DYNC1I1: variants seen among roughly 807,000 people sequenced by gnomAD.
DYNC1I1 encodes the protein cytoplasmic dynein 1 intermediate chain 1.
Under a neutral mutation model 86.6 loss-of-function variants are expected in DYNC1I1, and 43 were observed. The observed-to-expected ratio is 0.50, with a 90% CI of 0.39 to 0.64. The LOEUF is 0.64. DYNC1I1 is among the 30% of genes least tolerant of loss of function. The pLI, the probability that DYNC1I1 is intolerant of heterozygous loss-of-function variation, is 0.00. For missense variants in DYNC1I1, 604 were observed against 788.8 expected, an observed-to-expected ratio of 0.77 and a Z score of 2.81; for synonymous variants, 262 against 283.7, an observed-to-expected ratio of 0.92 and a Z score of 0.77.
At chr7:96,035,328 A>C (rs916320138) in intron 12 of DYNC1I1, among the ~76,000 whole-genome samples, 2 of 152,348 alleles carry the variant, frequency 1.3e-5, no homozygotes, top group East Asian at 3.9e-4. Context: ...GACAAGTGTA[A>C]CCATTATTAT....
At chr7:95,995,702 A>G (rs1461878702) in intron 9 of DYNC1I1, among the ~76,000 whole-genome samples, 1 of 152,206 alleles carries the variant, frequency 6.6e-6, no homozygotes, top group Non-Finnish European at 1.5e-5. Flanking sequence ...GTGTCAAATA[A>G]TACGGAGAGG....
intron 6 of DYNC1I1, among the ~76,000 whole-genome samples, chr7:95,974,986 G>A (rs1239430637): frequency 6.6e-6 from 1 of 152,128 alleles, no homozygotes; most frequent in Non-Finnish European, 1.5e-5. Flanking sequence ...TTGCATAGTG[G>A]TTAAAGATCA....
At chr7:95,998,457 A>G (rs1793926114) in intron 10 of DYNC1I1, among the ~76,000 whole-genome samples, 1 of 152,246 alleles carries the variant, frequency 6.6e-6, no homozygotes, top group African/African-American at 2.4e-5. Context: ...CAGAATTAAA[A>G]TGTATATGTG....
At chr7:95,904,116 C>T (rs1295914071) in intron 6 of DYNC1I1, among the ~76,000 whole-genome samples, 1 of 152,096 alleles carries the variant, frequency 6.6e-6, no homozygotes, top group Non-Finnish European at 1.5e-5. Context: ...TTGGTTAGCC[C>T]TTTATTTTAG....
At chr7:96,081,419 T>G (rs1790517744) in intron 16 of DYNC1I1, among the ~76,000 whole-genome samples, 1 of 152,170 alleles carries the variant, frequency 6.6e-6, no homozygotes. Context: ...ATCTATCAAT[T>G]GTACTTAAGA....
intron 4 of DYNC1I1, among the ~76,000 whole-genome samples, chr7:95,818,082 A>C (rs553642164): frequency 5.3e-5 from 8 of 152,344 alleles, no homozygotes; most frequent in African/African-American, 1.9e-4. Flanking sequence ...ACTGTGCAAT[A>C]TCCTGTCACA....
intron 10 of DYNC1I1, among the ~76,000 whole-genome samples, chr7:96,001,571 A>T (rs1794012697): frequency 6.6e-6 from 1 of 152,194 alleles, no homozygotes; most frequent in South Asian, 2.1e-4. Context: ...AGCTAAAATG[A>T]GATCAGTATT....
chr7:95,807,502 C>T (rs957503541), intron 2 of DYNC1I1, among the ~76,000 whole-genome samples: 32 of 152,158 alleles, frequency 2.1e-4, no homozygotes, highest in African/African-American at 7.5e-4. Context: ...GCAGGACTCT[C>T]TTTTTGCCTC....
At chr7:95,816,715 G>A (rs2115861873) in intron 4 of DYNC1I1, among the ~76,000 whole-genome samples, 1 of 152,104 alleles carries the variant, frequency 6.6e-6, no homozygotes, top group South Asian at 2.1e-4. Context: ...ACTATGCTAT[G>A]GTTAATTAGT....
intron 6 of DYNC1I1, among the ~76,000 whole-genome samples, chr7:95,935,857 G>T (rs1792026714): frequency 6.6e-6 from 1 of 151,964 alleles, no homozygotes; most frequent in African/African-American, 2.4e-5. Flanking sequence ...ATGCAAACAT[G>T]TTCAATGTCA....
chr7:95,851,269 A>G (rs957281406), intron 5 of DYNC1I1, among the ~76,000 whole-genome samples: 6 of 152,228 alleles, frequency 3.9e-5, no homozygotes, highest in Non-Finnish European at 8.8e-5. Flanking sequence ...ACTGAGATGA[A>G]TACTAACTGA....
At chr7:95,799,631 T>C (rs2618970) in intron 1 of DYNC1I1, among the ~76,000 whole-genome samples, 2,833 of 151,808 alleles carry the variant, frequency 0.019, 92 homozygotes, top group African/African-American at 0.065. Flanking sequence ...ACACTTAATT[T>C]TTTAAAAAGT....
chr7:95,906,508 G>A (rs1475294378), intron 6 of DYNC1I1, among the ~76,000 whole-genome samples: 1 of 150,342 alleles, frequency 6.7e-6, no homozygotes, highest in African/African-American at 2.5e-5. Context: ...CCACCTTTAC[G>A]TATTTTCCAC....
chr7:95,810,306 C>T (rs1237518306), intron 2 of DYNC1I1, 86 bp from the exon 3 acceptor site: 3 of 1,060,476 alleles, frequency 2.8e-6, no homozygotes, highest in Non-Finnish European at 2.7e-6. Context: ...GTCTTCACTG[C>T]CATGCATTTA....
At chr7:95,796,471 C>T (rs1466736868) in intron 1 of DYNC1I1, among the ~76,000 whole-genome samples, 1 of 152,022 alleles carries the variant, frequency 6.6e-6, no homozygotes, top group Non-Finnish European at 1.5e-5. Context: ...CCACCATGCT[C>T]TATAGGGTCT....
intron 4 of DYNC1I1, among the ~76,000 whole-genome samples, chr7:95,819,414 T>G (rs950887525): frequency 6.6e-6 from 1 of 152,070 alleles, no homozygotes; most frequent in Non-Finnish European, 1.5e-5. Context: ...GACATAATAC[T>G]CAAAGGAAAT....
intron 5 of DYNC1I1, among the ~76,000 whole-genome samples, chr7:95,831,244 AT>A (rs917886088): frequency 3.3e-5 from 5 of 152,144 alleles, no homozygotes; most frequent in Admixed American, 2.6e-4. Flanking sequence ...CAGTTTACAA[AT>A]TTGTTCTTTT....
At chr7:95,931,906 A>C (rs1791909686) in intron 6 of DYNC1I1, among the ~76,000 whole-genome samples, 1 of 152,224 alleles carries the variant, frequency 6.6e-6, no homozygotes, top group South Asian at 2.1e-4. Flanking sequence ...ATGACTTGTC[A>C]GTCTAACTTG....
intron 14 of DYNC1I1, among the ~76,000 whole-genome samples, chr7:96,060,498 C>G (rs544630529): frequency 6.6e-6 from 1 of 152,332 alleles, no homozygotes; most frequent in South Asian, 2.1e-4. Context: ...AAACCTTGCT[C>G]TCACAGAGGA....
Sources: allele counts gnomAD v4.1 joint callset (sites outside exome capture counted in the v4.1 genomes callset), GRCh38; gene constraint gnomAD v4.1.1; transcripts MANE v1.5; gene names NCBI Gene and HGNC (gene_info 2026-07-23, HGNC 2026-07-21).